OSBPL10: variants seen among roughly 807,000 people sequenced by gnomAD.
OSBPL10 encodes the protein oxysterol binding protein like 10, also known as oxysterol-binding protein-related protein 10.
Under a neutral mutation model 81.7 loss-of-function variants are expected in OSBPL10, and 49 were observed. The ratio of observed to expected loss-of-function variants is 0.60; its 90% CI spans 0.48 to 0.76. OSBPL10 has a LOEUF of 0.76. Among genes scored for constraint, OSBPL10 ranks in the 30% least tolerant of loss-of-function variants. The pLI, the probability that OSBPL10 is intolerant of heterozygous loss-of-function variation, is 0.00. For missense variants in OSBPL10, 923 were observed against 987.8 expected (o/e 0.93, Z 0.88); for synonymous variants, 419 against 383.6 (o/e 1.09, Z -1.08).
intron 1 of OSBPL10, among the ~76,000 whole-genome samples, chr3:31,926,289 G>GCCCCCC (rs36122261): frequency 0.12 from 15,421 of 128,306 alleles, 1,789 homozygotes; most frequent in East Asian, 0.29. Context: ...GGGTGATTTT[G>GCCCCCC]CCCCCCCAGA....
At position 31,990,185 on chromosome 3, in the gene OSBPL10, C is replaced by G. The variant is rs767003055; in HGVS notation, n.298+56306G>C. The G allele has an allele frequency of 7.4e-6, 12 of 1,613,916 alleles. No individual in the cohort carries two copies. In the South Asian group the frequency reaches 1.3e-4, roughly 18 times the overall value. On this transcript the variant is annotated intron_variant and non_coding_transcript_variant, in intron 2 of 3. Coordinates refer to the OSBPL10 transcript ENST00000479173. ...ACTAGAATTCACACTGGAGAGAAAC[C>G]TTACAAGTGTAATGAGTGTGGCAAA...
At chr3:31,994,105 G>A (rs1469615813) in intron 2 of OSBPL10, among the ~76,000 whole-genome samples, 1 of 152,208 alleles carries the variant, frequency 6.6e-6, no homozygotes, top group African/African-American at 2.4e-5. Context: ...TATGCATTAT[G>A]TTCAGTGAAA....
chr3:31,937,809 C>A (rs76138866), intron 1 of OSBPL10, among the ~76,000 whole-genome samples: 1 of 152,210 alleles, frequency 6.6e-6, no homozygotes, highest in Non-Finnish European at 1.5e-5. Context: ...GACTCCTCCA[C>A]TCTTGGGTAA....
chr3:31,813,977 G>C (rs1259767050), intron 4 of OSBPL10, among the ~76,000 whole-genome samples: 1 of 152,226 alleles, frequency 6.6e-6, no homozygotes, highest in East Asian at 1.9e-4. Flanking sequence ...CCTCATCCCT[G>C]TCCACGGCTT....
At chr3:31,845,390 C>T (rs777757302) in intron 3 of OSBPL10, among the ~76,000 whole-genome samples, 1 of 152,128 alleles carries the variant, frequency 6.6e-6, no homozygotes, top group Non-Finnish European at 1.5e-5. Context: ...CTCAAAATTA[C>T]TTATTAAAGT....
intron 1 of OSBPL10, among the ~76,000 whole-genome samples, chr3:31,920,874 T>C (rs1696892878): frequency 6.6e-6 from 1 of 152,172 alleles, no homozygotes; most frequent in South Asian, 2.1e-4. Flanking sequence ...CCCCTTCACC[T>C]TCCACCATGA....
At chr3:31,933,372 A>G (rs1439590647) in intron 1 of OSBPL10, among the ~76,000 whole-genome samples, 6 of 152,078 alleles carry the variant, frequency 3.9e-5, no homozygotes, top group Admixed American at 3.9e-4. Context: ...GATTTGAAGT[A>G]TACTTTAAAT....
In OSBPL10 at chr3:31,742,790, A is replaced by G. The variant is rs76458823; in HGVS notation, c.940+5120T>C. Among the ~76,000 whole-genome samples the G allele has an allele frequency of 1.4e-3, 209 of 152,138 alleles. 1 individual carries two copies. Among genetic ancestry groups the G allele is most frequent in the African/African-American group, 4.8e-3 (200 of 41,498 alleles). On this transcript the variant is annotated intron_variant, in intron 5 of 11. Coordinates refer to ENST00000396556, the MANE Select transcript of OSBPL10 (RefSeq NM_017784.5). The stretch of plus-strand genomic sequence containing the variant: ...TTTCTAGGCCCAGTTCCCCTCCCAC[A>G]CTTGAAACCCACCTAAAGCCCAGGC...
chr3:31,826,852 G>A (rs1205057523), intron 4 of OSBPL10, among the ~76,000 whole-genome samples: 3 of 152,174 alleles, frequency 2.0e-5, no homozygotes, highest in Non-Finnish European at 2.9e-5. Context: ...CATCAGGAGT[G>A]AAGGTGGACA....
chr3:31,949,619 G>A (rs1294668657), intron 1 of OSBPL10, among the ~76,000 whole-genome samples: 2 of 119,576 alleles, frequency 1.7e-5, no homozygotes, highest in African/African-American at 3.1e-5. Flanking sequence ...AGTGAGCTGA[G>A]ATCACCTCAC....
At chr3:31,827,161 C>T (rs905677792) in intron 4 of OSBPL10, among the ~76,000 whole-genome samples, 3 of 152,096 alleles carry the variant, frequency 2.0e-5, no homozygotes, top group Admixed American at 1.3e-4. Flanking sequence ...AATCCTCTCA[C>T]CTCAGCTTCC....
At chr3:31,733,685 GTTTTTTTTTTTT>G (rs372305256) in intron 5 of OSBPL10, among the ~76,000 whole-genome samples, 1 of 91,780 alleles carries the variant, frequency 1.1e-5, no homozygotes, top group South Asian at 4.2e-4. Context: ...AGATAAAGGT[GTTTTTTTTTTTT>G]TTTTTTTTTT....
chr3:32,020,628 AC>A lies in OSBPL10; in HGVS notation n.298+25862del, dbSNP rs1699353850. ...CAAGTCTTTGTGATGGACATAAAAG[AC>A]AAAATGTGCTGAGCAATTAAGGAGA... On this transcript the variant is annotated intron_variant and non_coding_transcript_variant, in intron 2 of 3. Transcript: ENST00000479173. 3.3e-5 allele frequency among the ~76,000 whole-genome samples: 5 copies of A among 152,214 alleles called. No homozygotes were observed. The South Asian group carries it at 1.0e-3, about 32-fold the overall frequency.
rs1236898466 is a variant in OSBPL10, at chr3:32,062,025, T to C, written n.185+15371A>G. Reference sequence around the variant, plus strand: ...TATGCAGATGCAGTATCAACGGACATGGAGACCCAACTACAGGTCCTTTTT... The same window carrying C: ...TATGCAGATGCAGTATCAACGGACACGGAGACCCAACTACAGGTCCTTTTT... On this transcript the variant is annotated intron_variant and non_coding_transcript_variant, in intron 1 of 3. Coordinates refer to the OSBPL10 transcript ENST00000479173. Among the ~76,000 whole-genome samples, 2 of 93,842 alleles carry C rather than the reference T, an allele frequency of 2.1e-5. 1 individual carries two copies. The highest frequency in any genetic ancestry group is 5.7e-5 in the Non-Finnish European group (2 of 34,958). 61.6% of individuals were successfully genotyped at this position (93,842 alleles called of 152,430 possible).
intron 1 of OSBPL10, among the ~76,000 whole-genome samples, chr3:32,057,907 G>C (rs1699725175): frequency 6.6e-6 from 1 of 152,160 alleles, no homozygotes; most frequent in South Asian, 2.1e-4. Context: ...TGGCACTTGA[G>C]GAAGGGCAAC....
chr3:31,909,247 G>C (rs965795358), intron 1 of OSBPL10, among the ~76,000 whole-genome samples: 1 of 152,164 alleles, frequency 6.6e-6, no homozygotes, highest in Non-Finnish European at 1.5e-5. Context: ...TACTGGAACT[G>C]TTAAGGCCAT....
At chr3:31,719,380 T>C (rs1025201833) in intron 6 of OSBPL10, among the ~76,000 whole-genome samples, 3 of 152,054 alleles carry the variant, frequency 2.0e-5, no homozygotes, top group African/African-American at 4.8e-5. Flanking sequence ...AATTAGGAAG[T>C]CCAGTAACCC....
chr3:31,737,244 G>A (rs1349100261), intron 5 of OSBPL10, among the ~76,000 whole-genome samples: 2 of 152,132 alleles, frequency 1.3e-5, no homozygotes, highest in Non-Finnish European at 2.9e-5. Flanking sequence ...AGTGATCATG[G>A]GTTTAGGAGG....
intron 4 of OSBPL10, among the ~76,000 whole-genome samples, chr3:31,770,740 C>G (rs1036977042): frequency 1.3e-5 from 2 of 151,936 alleles, no homozygotes; most frequent in Non-Finnish European, 2.9e-5. Flanking sequence ...GAACCAAGAT[C>G]GCGTCATTGC....
Sources: gnomAD v4.1 joint callset for allele counts (sites outside exome capture counted in the v4.1 genomes callset) on GRCh38, gnomAD v4.1.1 for gene constraint, MANE v1.5 for transcripts, NCBI Gene and HGNC (gene_info 2026-07-23, HGNC 2026-07-21) for gene names.